The following KALRN variants were observed in gnomAD, a reference collection of about 807,000 sequenced individuals.
The protein encoded by KALRN is kalirin.
KALRN carries 70 observed loss-of-function variants against 353.7 expected under a neutral mutation model. That is an observed-to-expected ratio of 0.20 (90% CI 0.16 to 0.24). The LOEUF (loss-of-function observed/expected upper bound fraction) is 0.24. Among genes scored for constraint, KALRN ranks in the 10% least tolerant of loss-of-function variants. KALRN has a pLI of 1.00. For synonymous variants in KALRN, 1,391 were observed against 1,434.8 expected, an observed-to-expected ratio of 0.97 and a Z score of 0.69; for missense variants, 2,791 against 3,756.7, an observed-to-expected ratio of 0.74 and a Z score of 6.72.
intron 3 of KALRN, among the ~76,000 whole-genome samples, chr3:124,242,224 A>G (rs531787804): frequency 6.6e-6 from 1 of 152,364 alleles, no homozygotes; most frequent in South Asian, 2.1e-4. Flanking sequence ...AAAGACAGTA[A>G]AAGTAACAAC....
rs61485429 is a variant in KALRN, at chr3:124,411,433, C to CTTTTTTTTTTTTTTTTTTTTT, written c.2347-2029_2347-2009dup. On this transcript the variant is annotated intron_variant, in intron 13 of 59. Transcript: ENST00000682506. The stretch of plus-strand genomic sequence containing the variant: ...AAGCCTATGTATACTTTAAATTATG[C>CTTTTTTTTTTTTTTTTTTTTT]TTTTTTTTTTTTTTTTTTTTTTTTT... 5.8e-5 allele frequency among the ~76,000 whole-genome samples: 3 copies of CTTTTTTTTTTTTTTTTTTTTT among 51,480 alleles called. 1 individual carries two copies. Among genetic ancestry groups the CTTTTTTTTTTTTTTTTTTTTT allele is most frequent in the Non-Finnish European group, 3.8e-5 (1 of 26,264 alleles). 33.8% of individuals were successfully genotyped at this position (51,480 alleles called of 152,430 possible). A position where few individuals can be genotyped will look rare whatever the true frequency, so the allele number is the denominator to read the frequency against.
At chr3:124,533,830 ATAG>A (rs1425123893) in intron 33 of KALRN, among the ~76,000 whole-genome samples, 1 of 152,206 alleles carries the variant, frequency 6.6e-6, no homozygotes, top group African/African-American at 2.4e-5. Context: ...TGGCCTGTGT[ATAG>A]TAACTTATTT....
chr3:124,095,077 T>C (rs865800400), intron 1 of KALRN, among the ~76,000 whole-genome samples: 5 of 152,120 alleles, frequency 3.3e-5, no homozygotes, highest in African/African-American at 1.2e-4. Context: ...AAGGCTGTTT[T>C]TCTGGGGACA....
rs1011846234 is a variant in KALRN, at chr3:124,719,711, T to A, written c.*241T>A. 5 of 466,806 alleles carry A rather than the reference T, an allele frequency of 1.1e-5. No individual in the cohort carries two copies. Among genetic ancestry groups the A allele is most frequent in the Non-Finnish European group, 1.9e-5 (5 of 259,990 alleles). 28.9% of individuals were successfully genotyped at this position (466,806 alleles called of 1,614,324 possible). On this transcript the variant is annotated 3_prime_UTR_variant, in exon 60 of 60. Transcript: ENST00000682506. This position sits in a 1 kb window ranked among gnomAD's most constrained non-coding sequence, Gnocchi z 5.3. The stretch of plus-strand genomic sequence containing the variant: ...ATAAAGAGGCAAAGGGTCACAGAAG[T>A]GTTCAGAAGAAGGGCAAAGATAAGA...
In KALRN at chr3:124,533,599, C is replaced by T. The variant is rs147739145; in HGVS notation, c.4936-29244C>T. ...AGTTGAGGCTGCAGTGAGCCAAGATCGCACCACTGCACTCCAGCCCGGGTG... is the reference window on the plus strand; with the variant it reads ...AGTTGAGGCTGCAGTGAGCCAAGATTGCACCACTGCACTCCAGCCCGGGTG... On this transcript the variant is annotated intron_variant, in intron 33 of 59. Coordinates refer to ENST00000682506, the MANE Select transcript of KALRN (RefSeq NM_001388419.1). Among the ~76,000 whole-genome samples the T allele has an allele frequency of 8.0e-4, 121 of 152,200 alleles. No individual in the cohort carries two copies. The East Asian group carries it at 0.02, about 26-fold the overall frequency.
intron 34 of KALRN, among the ~76,000 whole-genome samples, chr3:124,616,586 A>G (rs1298588921): frequency 2.0e-5 from 3 of 152,166 alleles, no homozygotes; most frequent in Non-Finnish European, 4.4e-5. Context: ...CTACATTAGC[A>G]TATTAGAGGT....
chr3:124,209,162 A>C (rs2150481923), intron 1 of KALRN, among the ~76,000 whole-genome samples: 1 of 152,082 alleles, frequency 6.6e-6, no homozygotes, highest in African/African-American at 2.4e-5. Flanking sequence ...TGAGTCCACA[A>C]GGAACTGAGA....
chr3:124,214,919 A>T (rs532129885), intron 1 of KALRN, among the ~76,000 whole-genome samples: 1 of 152,278 alleles, frequency 6.6e-6, no homozygotes, highest in Admixed American at 6.5e-5. Context: ...AAGGCTGCCT[A>T]CTAGGTAGAT....
chr3:124,466,647 G>T (rs1298220086), intron 25 of KALRN, among the ~76,000 whole-genome samples: 1 of 152,094 alleles, frequency 6.6e-6, no homozygotes, highest in Non-Finnish European at 1.5e-5. Context: ...TACTCCCAGC[G>T]CTCAGAGGGT....
chr3:124,235,288 A>AT (rs972331189), intron 3 of KALRN, among the ~76,000 whole-genome samples: 5 of 151,824 alleles, frequency 3.3e-5, no homozygotes, highest in Non-Finnish European at 5.9e-5. Context: ...ATAGCAAAAG[A>AT]TTTTTTTTTC....
chr3:124,429,443 T>C (rs563370575), intron 15 of KALRN, among the ~76,000 whole-genome samples: 15 of 152,170 alleles, frequency 9.9e-5, no homozygotes, highest in Non-Finnish European at 1.9e-4. Context: ...TGGTGTCTTC[T>C]CCTTTGGCAT....
At chr3:124,217,818 C>G (rs1312843568) in intron 1 of KALRN, among the ~76,000 whole-genome samples, 1 of 152,184 alleles carries the variant, frequency 6.6e-6, no homozygotes, top group Non-Finnish European at 1.5e-5. Flanking sequence ...CCCTTCTCAG[C>G]TGTCAGACCG....
intron 1 of KALRN, among the ~76,000 whole-genome samples, chr3:124,108,911 A>G (rs2062572527): frequency 6.6e-6 from 1 of 152,164 alleles, no homozygotes; most frequent in African/African-American, 2.4e-5. Context: ...TGGCTACTTT[A>G]TTCTCACCAT....
intron 34 of KALRN, among the ~76,000 whole-genome samples, chr3:124,575,862 TC>T (rs1233416295): frequency 6.6e-6 from 1 of 152,028 alleles, no homozygotes; most frequent in Non-Finnish European, 1.5e-5. Context: ...TGCCTCGAGG[TC>T]CCTAACAGAA....
chr3:124,215,414 G>A (rs559954161), intron 1 of KALRN, among the ~76,000 whole-genome samples: 28 of 152,238 alleles, frequency 1.8e-4, no homozygotes, highest in African/African-American at 6.3e-4. Flanking sequence ...AGTTTACTCC[G>A]TTCACTTACT....
At chr3:124,462,463 T>A (rs1447393900) in intron 24 of KALRN, 61 bp from the exon 25 acceptor site, 3 of 951,898 alleles carry the variant, frequency 3.2e-6, no homozygotes, top group Non-Finnish European at 5.1e-6. Flanking sequence ...CCTGTGTATT[T>A]TGTCTGTATT....
At chr3:124,217,293 G>T (rs1468591219) in intron 1 of KALRN, among the ~76,000 whole-genome samples, 1 of 152,148 alleles carries the variant, frequency 6.6e-6, no homozygotes, top group Admixed American at 6.5e-5. Flanking sequence ...TATATGTTTG[G>T]ATATCCAAGG....
At chr3:124,402,243 G>A (rs2090965942) in intron 13 of KALRN, among the ~76,000 whole-genome samples, 1 of 152,168 alleles carries the variant, frequency 6.6e-6, no homozygotes, top group Non-Finnish European at 1.5e-5. Flanking sequence ...AACCTGGAAT[G>A]AGATCATAGG....
At chr3:124,152,381 C>T (rs1442987225) in intron 1 of KALRN, 6 of 1,212,334 alleles carry the variant, frequency 4.9e-6, no homozygotes, top group South Asian at 3.6e-5. Flanking sequence ...ACCTTTCGGA[C>T]CTTTGGGCTC....
Sources: gnomAD v4.1 joint callset for allele counts (sites outside exome capture counted in the v4.1 genomes callset) on GRCh38, gnomAD v4.1.1 for gene constraint, Gnocchi (gnomAD v3.1) non-coding constraint, MANE v1.5 for transcripts, NCBI Gene and HGNC (gene_info 2026-07-23, HGNC 2026-07-21) for gene names.